LRRTM4: variants seen among roughly 807,000 people sequenced by gnomAD.
The protein encoded by LRRTM4 is leucine-rich repeat transmembrane neuronal protein 4.
A neutral mutation model predicts 47.6 loss-of-function variants in LRRTM4; 25 were observed. The ratio of observed to expected loss-of-function variants is 0.53; its 90% CI spans 0.38 to 0.73. The LOEUF (loss-of-function observed/expected upper bound fraction) is 0.73, where lower values mean the gene tolerates loss of function less well. Ranked by LOEUF, LRRTM4 falls within the 30% of genes least tolerant of loss-of-function variation. The probability of loss-of-function intolerance (pLI) is 0.00; values close to 1 mark genes in which losing one functional copy is unlikely to be tolerated. For synonymous variants in LRRTM4, 311 were observed against 269.5 expected (o/e 1.15, Z -1.51); for missense variants, 638 against 713.4 (o/e 0.89, Z 1.20).
chr2:76,956,927 G>A (rs1179274029), intron 3 of LRRTM4, among the ~76,000 whole-genome samples: 3 of 151,412 alleles, frequency 2.0e-5, no homozygotes, highest in Admixed American at 2.0e-4. Flanking sequence ...TAGTAAGAAA[G>A]TTGAATAAGT....
chr2:76,774,686 G>T (rs142139328), intron 3 of LRRTM4, among the ~76,000 whole-genome samples: 41 of 152,214 alleles, frequency 2.7e-4, no homozygotes, highest in African/African-American at 8.9e-4. Context: ...GAGGTGGAAG[G>T]AGAGGCAGGA....
chr2:77,299,777 C>T (rs1677078514), intron 3 of LRRTM4, among the ~76,000 whole-genome samples: 1 of 150,244 alleles, frequency 6.7e-6, no homozygotes. Flanking sequence ...TCAAAGAAAA[C>T]ATGTTGACAG....
chr2:77,319,422 T>TA (rs1018591853), intron 3 of LRRTM4, among the ~76,000 whole-genome samples: 17 of 151,040 alleles, frequency 1.1e-4, no homozygotes, highest in African/African-American at 3.9e-4. Context: ...CAAGTTTCAG[T>TA]AAAAATTAAA....
Position 77,106,445 on chromosome 2 carries a change from G to GCACTTACTT in LRRTM4, c.1552-357530_1552-357529insAAGTAAGTG, listed in dbSNP as rs1671094059. ...TGTTGTCATAAATTTTACCTTCTCT[G>GCACTTACTT]CTGTAAGCATTACCTCTGCACTTAC... On this transcript the variant is annotated intron_variant, in intron 3 of 3. Coordinates refer to ENST00000409884, the MANE Select transcript of LRRTM4 (RefSeq NM_001134745.3). 2.0e-5 allele frequency among the ~76,000 whole-genome samples: 3 copies of GCACTTACTT among 152,058 alleles called. No homozygotes were observed. In the South Asian group the frequency reaches 6.2e-4, roughly 32 times the overall value.
At chr2:77,070,415 T>C (rs532711277) in intron 3 of LRRTM4, among the ~76,000 whole-genome samples, 1 of 152,258 alleles carries the variant, frequency 6.6e-6, no homozygotes, top group East Asian at 1.9e-4. Flanking sequence ...TCTCTATATA[T>C]ATATTTTAAA....
intron 3 of LRRTM4, among the ~76,000 whole-genome samples, chr2:77,440,392 C>A (rs528159530): frequency 3.9e-4 from 59 of 151,830 alleles, no homozygotes; most frequent in Middle Eastern, 6.8e-3. Flanking sequence ...CCAGCCAGGG[C>A]GACAGAGTGA....
At chr2:77,367,807 A>G (rs926198477) in intron 3 of LRRTM4, among the ~76,000 whole-genome samples, 4 of 151,870 alleles carry the variant, frequency 2.6e-5, no homozygotes, top group Admixed American at 2.6e-4. Flanking sequence ...TAGACTCATT[A>G]AACAATTAGA....
chr2:77,318,298 G>A (rs999699797), intron 3 of LRRTM4, among the ~76,000 whole-genome samples: 2 of 152,082 alleles, frequency 1.3e-5, no homozygotes, highest in Admixed American at 6.5e-5. Flanking sequence ...GAGCCACCGC[G>A]CCCGGCCCCA....
chr2:76,821,299 T>C (rs1221650796), intron 3 of LRRTM4, among the ~76,000 whole-genome samples: 1 of 151,500 alleles, frequency 6.6e-6, no homozygotes, highest in Non-Finnish European at 1.5e-5. Context: ...GAGAAAAAAA[T>C]CATAAAAAGT....
At chr2:77,086,331 C>T (rs967364183) in intron 3 of LRRTM4, among the ~76,000 whole-genome samples, 6 of 152,024 alleles carry the variant, frequency 3.9e-5, no homozygotes, top group Non-Finnish European at 1.5e-5. Context: ...GGTTGTCTGC[C>T]TCCAAAGTTT....
intron 2 of LRRTM4, 118 bp downstream of exon 2, chr2:77,521,550 C>G (rs1165913453): frequency 8.4e-7 from 1 of 1,188,888 alleles, no homozygotes; most frequent in African/African-American, 1.5e-5. Context: ...AACTGGCAAA[C>G]TCAAAGGCTG....
At chr2:76,901,063 T>C (rs1673611912) in intron 3 of LRRTM4, among the ~76,000 whole-genome samples, 1 of 152,194 alleles carries the variant, frequency 6.6e-6, no homozygotes, top group South Asian at 2.1e-4. Flanking sequence ...TTATTTTAAG[T>C]TCCAGAGTAC....
intron 3 of LRRTM4, among the ~76,000 whole-genome samples, chr2:77,198,215 G>C (rs907990045): frequency 5.9e-5 from 9 of 152,166 alleles, no homozygotes; most frequent in African/African-American, 1.9e-4. Flanking sequence ...TCAGTGGGAA[G>C]GGGCCTCTGA....
At chr2:77,360,514 TACGATAC>T in intron 3 of LRRTM4, among the ~76,000 whole-genome samples, 1 of 150,270 alleles carries the variant, frequency 6.7e-6, no homozygotes, top group African/African-American at 2.5e-5. Flanking sequence ...TACGATACGA[TACGATAC>T]GATACGATAC....
At chr2:77,241,486 T>C (rs907524151) in intron 3 of LRRTM4, among the ~76,000 whole-genome samples, 7 of 152,002 alleles carry the variant, frequency 4.6e-5, no homozygotes, top group Non-Finnish European at 1.0e-4. Context: ...TTTCTACTGA[T>C]GGAAGCTTCA....
intron 3 of LRRTM4, among the ~76,000 whole-genome samples, chr2:77,479,740 TTC>T (rs1481266166): frequency 1.3e-5 from 2 of 150,996 alleles, no homozygotes; most frequent in Non-Finnish European, 3.0e-5. Flanking sequence ...ATCTCTCTCT[TTC>T]TCTTTCTCTT....
At chr2:76,904,861 T>C (rs55755220) in intron 3 of LRRTM4, among the ~76,000 whole-genome samples, 25,972 of 152,178 alleles carry the variant, frequency 0.17, 2,389 homozygotes, top group Admixed American at 0.23. Flanking sequence ...GTCAAAAGTG[T>C]TTTGAAAAGG....
chr2:77,007,130 T>G (rs1271346043), intron 3 of LRRTM4, among the ~76,000 whole-genome samples: 1 of 151,830 alleles, frequency 6.6e-6, no homozygotes, highest in Non-Finnish European at 1.5e-5. Context: ...GAATTTGAAA[T>G]TTTCCTGTAA....
intron 3 of LRRTM4, among the ~76,000 whole-genome samples, chr2:77,142,512 T>C (rs868440573): frequency 7.2e-5 from 11 of 152,012 alleles, no homozygotes; most frequent in Non-Finnish European, 1.6e-4. Flanking sequence ...ATTCGATGTA[T>C]ATAAGATGAT....
Sources: allele counts gnomAD v4.1 joint callset (sites outside exome capture counted in the v4.1 genomes callset), GRCh38; gene constraint gnomAD v4.1.1; transcripts MANE v1.5; gene names NCBI Gene and HGNC (gene_info 2026-07-23, HGNC 2026-07-21).